The following C11orf65 variants were observed in gnomAD, a reference collection of about 807,000 sequenced individuals.
The protein encoded by C11orf65 is protein MFI.
Under a neutral mutation model 35.3 loss-of-function variants are expected in C11orf65, and 38 were observed. The observed-to-expected ratio is 1.08, with a 90% confidence interval of 0.83 to 1.41. The LOEUF is 1.41. Ranked by LOEUF, C11orf65 falls within the 40% of genes most tolerant of loss-of-function variation. The pLI is 0.00. For synonymous variants in C11orf65, 105 were observed against 114.4 expected, an observed-to-expected ratio of 0.92 and a Z score of 0.53; for missense variants, 370 against 367.1, an observed-to-expected ratio of 1.01 and a Z score of -0.06.
At chr11:108,436,102 T>A (rs2093055898) in intron 2 of C11orf65, among the ~76,000 whole-genome samples, 1 of 149,848 alleles carries the variant, frequency 6.7e-6, no homozygotes. Context: ...CAGGAAAGGA[T>A]TTTAGGAGGA....
chr11:108,319,807 G>T, intron 6 of C11orf65: 2 of 630,594 alleles, frequency 3.2e-6, no homozygotes, highest in Non-Finnish European at 5.6e-6. Flanking sequence ...CATAAAATTT[G>T]TATTTCTTAC....
chr11:108,353,675 G>T, intron 2 of C11orf65: 1 of 1,018,962 alleles, frequency 9.8e-7, no homozygotes, highest in Admixed American at 1.7e-5. Flanking sequence ...GGTAACATGT[G>T]GTTTCTTGCC....
intron 1 of C11orf65, among the ~76,000 whole-genome samples, chr11:108,466,770 GGAAAAAA>G (rs2093544598): frequency 6.6e-6 from 1 of 152,078 alleles, no homozygotes; most frequent in Non-Finnish European, 1.5e-5. Context: ...TACGCTTCGT[GGAAAAAA>G]GCCCACAAGA....
At chr11:108,416,065 T>A (rs965044787) in intron 3 of C11orf65, among the ~76,000 whole-genome samples, 31 of 152,224 alleles carry the variant, frequency 2.0e-4, no homozygotes, top group African/African-American at 7.5e-4. Context: ...GGTTTGGTGA[T>A]GACTTTTTAG....
At chr11:108,343,414 A>G in intron 2 of C11orf65, 1 of 1,608,562 alleles carries the variant, frequency 6.2e-7, no homozygotes, top group Non-Finnish European at 8.5e-7. Flanking sequence ...AGATTATTTA[A>G]TGGCTTATTA....
At chr11:108,351,071 T>C (rs1438350528) in intron 2 of C11orf65, among the ~76,000 whole-genome samples, 2 of 152,220 alleles carry the variant, frequency 1.3e-5, no homozygotes, top group South Asian at 2.1e-4. Flanking sequence ...TCTTTGTATA[T>C]AATGAGATTG....
chr11:108,445,292 T>C (rs1042564640), intron 2 of C11orf65, among the ~76,000 whole-genome samples: 1 of 152,198 alleles, frequency 6.6e-6, no homozygotes, highest in Non-Finnish European at 1.5e-5. Context: ...GATCTGAGAA[T>C]GGGCAGACTG....
chr11:108,380,877 A>G (rs1427554365), downstream of C11orf65, among the ~76,000 whole-genome samples: 1 of 152,176 alleles, frequency 6.6e-6, no homozygotes, highest in Non-Finnish European at 1.5e-5. Context: ...CAGAACCACT[A>G]TCTAAGGACC....
At chr11:108,414,054 AAT>A (rs1358653000) in intron 3 of C11orf65, among the ~76,000 whole-genome samples, 2 of 152,026 alleles carry the variant, frequency 1.3e-5, no homozygotes, top group East Asian at 3.8e-4. Context: ...GACGAAAATA[AAT>A]AATAAAGATT....
At chr11:108,453,825 A>T (rs1420861476) in intron 2 of C11orf65, among the ~76,000 whole-genome samples, 1 of 152,290 alleles carries the variant, frequency 6.6e-6, no homozygotes, top group East Asian at 1.9e-4. Context: ...TGAAGATCCT[A>T]TTCATCTATG....
In C11orf65 at chr11:108,405,591, G is replaced by A. The variant is rs140130846; in HGVS notation, c.430-32C>T. ...AGAAACAAAAATGAACATACAAAAT[G>A]TTGAAATATCGATTGTGAGGTTATC... On this transcript the variant is annotated intron_variant, in intron 5 of 8. Coordinates refer to ENST00000393084, the MANE Select transcript of C11orf65 (RefSeq NM_152587.5). 6.6e-5 allele frequency: 106 copies of A among 1,605,982 alleles called. No individual in the cohort carries two copies. In the East Asian group the frequency reaches 2.1e-3, roughly 32 times the overall value.
At position 108,312,417 on chromosome 11, in the gene C11orf65, T is replaced by G. The variant is rs2084241491; in HGVS notation, c.641-3346A>C. On this transcript the variant is annotated intron_variant, in intron 6 of 6. Coordinates refer to the C11orf65 transcript ENST00000525729. ...GTGTTCTTGTGACAAACAGAAGTCT[T>G]GCATTTGAAGAAGGAAGCCAGAGTA... The G allele has an allele frequency of 6.3e-7, 1 of 1,590,282 alleles. No individual in the cohort carries two copies. The highest frequency in any genetic ancestry group is 8.6e-7 in the Non-Finnish European group (1 of 1,158,524).
chr11:108,468,688 C>T (rs1452467346), upstream of C11orf65, among the ~76,000 whole-genome samples: 1 of 152,110 alleles, frequency 6.6e-6, no homozygotes, highest in African/African-American at 2.4e-5. Context: ...GCTTCAGTTC[C>T]TCTTTATGTA....
Position 108,385,960 on chromosome 11 carries a change from C to G in C11orf65, c.747G>C (p.Trp249Cys), listed in dbSNP as rs969561067. The change falls in exon 8 of 9, where the codon TGG becomes TGC. Residue 249 changes from tryptophan (W) to cysteine (C), a missense_variant. Coordinates refer to ENST00000393084, the MANE Select transcript of C11orf65 (RefSeq NM_152587.5). ...AAGAGTTGCTTGTAGCAATTTCCTTCCAGCTGGCAATGTACCTAAGCACAT... is the reference window on the plus strand; with the variant it reads ...AAGAGTTGCTTGTAGCAATTTCCTTGCAGCTGGCAATGTACCTAAGCACAT... ...TLNFDEYIASWKEIATSNSSA... is the reference protein window; with the variant it reads ...TLNFDEYIASCKEIATSNSSA... 1 of 1,613,858 alleles carries G rather than the reference C, an allele frequency of 6.2e-7. No homozygotes were observed. The highest frequency in any genetic ancestry group is 8.5e-7 in the Non-Finnish European group (1 of 1,179,862).
intron 2 of C11orf65, among the ~76,000 whole-genome samples, chr11:108,349,148 A>G (rs1383606113): frequency 6.6e-6 from 1 of 152,234 alleles, no homozygotes; most frequent in African/African-American, 2.4e-5. Flanking sequence ...ACTCAAAGGA[A>G]GTCAGGATCT....
intron 7 of C11orf65, among the ~76,000 whole-genome samples, chr11:108,387,025 T>G (rs1284594062): frequency 1.3e-5 from 2 of 149,914 alleles, no homozygotes; most frequent in Admixed American, 6.7e-5. Context: ...GAGCTTGCAG[T>G]GAACTGAGAT....
intron 2 of C11orf65, among the ~76,000 whole-genome samples, chr11:108,450,650 G>A (rs1192240725): frequency 1.3e-5 from 2 of 148,222 alleles, no homozygotes; most frequent in Non-Finnish European, 3.0e-5. Flanking sequence ...GGGAGGGATA[G>A]CATTAGGAGA....
Position 108,393,255 on chromosome 11 carries a change from C to G in C11orf65, c.684G>C (p.Trp228Cys). The change falls in exon 7 of 9, where the codon TGG becomes TGC. Residue 228 changes from tryptophan to cysteine, a missense_variant. Transcript: ENST00000393084. Reference sequence around the variant, plus strand: ...TCCAGTTCAGCACTTCATCCACTTCCCATTCCATCACAGAATCTATCCCCC... The same window carrying G: ...TCCAGTTCAGCACTTCATCCACTTCGCATTCCATCACAGAATCTATCCCCC... The part of the protein sequence containing the change: ...EDGGIDSVME[W>C]EVDEVLNWTN... 6.2e-7 allele frequency: 1 copy of G among 1,614,074 alleles called. No homozygotes were observed.
intron 2 of C11orf65, among the ~76,000 whole-genome samples, chr11:108,433,657 G>A (rs960931632): frequency 1.4e-4 from 21 of 152,266 alleles, no homozygotes; most frequent in African/African-American, 5.1e-4. Flanking sequence ...GTTTCTTAAG[G>A]CCTTATCTTG....
Sources: allele counts gnomAD v4.1 joint callset (sites outside exome capture counted in the v4.1 genomes callset), GRCh38; gene constraint gnomAD v4.1.1; transcripts MANE v1.5; gene names NCBI Gene and HGNC (gene_info 2026-07-23, HGNC 2026-07-21).